GRID2: variants seen among roughly 807,000 people sequenced by gnomAD.
GRID2 encodes the protein glutamate ionotropic receptor delta type subunit 2.
Under a neutral mutation model 114.8 loss-of-function variants are expected in GRID2, and 33 were observed. The ratio of observed to expected loss-of-function variants is 0.29; its 90% CI spans 0.22 to 0.38. The LOEUF (loss-of-function observed/expected upper bound fraction) is 0.38. Among genes scored for constraint, GRID2 ranks in the 10% least tolerant of loss-of-function variants. GRID2 has a pLI of 1.00. For synonymous variants in GRID2, 505 were observed against 449.9 expected, an observed-to-expected ratio of 1.12 and a Z score of -1.55; for missense variants, 1,184 against 1,257.7, an observed-to-expected ratio of 0.94 and a Z score of 0.89.
intron 1 of GRID2, among the ~76,000 whole-genome samples, chr4:92,583,170 T>A (rs1178039356): frequency 6.6e-6 from 1 of 152,090 alleles, no homozygotes; most frequent in African/African-American, 2.4e-5. Context: ...TTACTTAACC[T>A]GAGTTTCATT....
chr4:93,367,856 T>G (rs1762487221), intron 8 of GRID2, among the ~76,000 whole-genome samples: 1 of 152,186 alleles, frequency 6.6e-6, no homozygotes, highest in Non-Finnish European at 1.5e-5. Context: ...TTGTGAGTGT[T>G]GGATTGAATT....
At chr4:92,341,338 T>G (rs558548521) in intron 1 of GRID2, among the ~76,000 whole-genome samples, 1 of 152,298 alleles carries the variant, frequency 6.6e-6, no homozygotes, top group African/African-American at 2.4e-5. Flanking sequence ...TGTGGATCAC[T>G]TGCTAGTTTA....
intron 1 of GRID2, among the ~76,000 whole-genome samples, chr4:92,400,678 C>T (rs986279469): frequency 2.0e-5 from 3 of 151,902 alleles, no homozygotes; most frequent in Non-Finnish European, 4.4e-5. Flanking sequence ...TTGATAAACC[C>T]CCAAATTGTT....
At chr4:92,877,754 T>C (rs1204540059) in intron 2 of GRID2, among the ~76,000 whole-genome samples, 2 of 152,208 alleles carry the variant, frequency 1.3e-5, no homozygotes, top group Non-Finnish European at 2.9e-5. Context: ...TCCATGTTGA[T>C]GGATTTATGC....
At position 93,110,879 on chromosome 4, in the gene GRID2, A is replaced by C. The variant is rs1476739450; in HGVS notation, c.661A>C (p.Asn221His). Residue 221 changes from asparagine (N) to histidine (H), a missense_variant, in exon 4 of 16, where the codon AAT becomes CAT. By Grantham distance (68) the Asn-to-His change is moderately conservative (BLOSUM62 1). Around this residue, in one of 3 missense-constraint regions of GRID2, gnomAD observed 455 missense variants for 429.5 expected, o/e 1.06. Transcript: ENST00000282020. ...LFDTMRIEEL[N>H]RYRDTLRRAI... ...TGACACCATGAGAATAGAAGAACTG[A>C]ATCGCTATCGAGACACTCTTAGGCG... is the stretch of plus-strand genomic sequence containing the variant. The C allele has an allele frequency of 4.3e-6, 7 of 1,612,988 alleles. No individual in the cohort carries two copies. The highest frequency in any genetic ancestry group is 5.9e-6 in the Non-Finnish European group (7 of 1,178,932).
intron 14 of GRID2, among the ~76,000 whole-genome samples, chr4:93,680,176 A>G (rs1725369269): frequency 2.0e-5 from 3 of 152,260 alleles, no homozygotes; most frequent in South Asian, 4.1e-4. Flanking sequence ...TAGAAAATCT[A>G]GAAGAAATGG....
At chr4:93,806,194 A>T (rs538357571) in intron 1 of GRID2, among the ~76,000 whole-genome samples, 2 of 152,338 alleles carry the variant, frequency 1.3e-5, no homozygotes, top group African/African-American at 4.8e-5. Context: ...ACATAGTACA[A>T]TTTATATATT....
In GRID2 at chr4:93,724,799, A is replaced by C. The variant is rs572720494; in HGVS notation, c.2361-44411A>C. ...GCTTATTTTTGTTGTTGTTGTTTTG[A>C]GACAAAGTCTCACTCTGTCGCCCAA... is the stretch of plus-strand genomic sequence containing the variant. On this transcript the variant is annotated intron_variant, in intron 14 of 15. Transcript: ENST00000282020. 4.6e-5 allele frequency among the ~76,000 whole-genome samples: 7 copies of C among 152,056 alleles called. No homozygotes were observed. The South Asian group carries it at 1.5e-3, about 32-fold the overall frequency.
intron 4 of GRID2, among the ~76,000 whole-genome samples, chr4:93,126,379 A>G (rs1186313073): frequency 6.6e-6 from 1 of 152,038 alleles, no homozygotes; most frequent in African/African-American, 2.4e-5. Flanking sequence ...GATAAACAAA[A>G]ATGTGTTTAC....
intron 1 of GRID2, among the ~76,000 whole-genome samples, chr4:92,538,968 G>A (rs1280616950): frequency 1.3e-5 from 2 of 151,714 alleles, no homozygotes; most frequent in Non-Finnish European, 2.9e-5. Context: ...CGTGAGCCTG[G>A]GAGGCGCAGC....
At chr4:92,615,519 T>C (rs1458847130) in intron 2 of GRID2, among the ~76,000 whole-genome samples, 1 of 151,720 alleles carries the variant, frequency 6.6e-6, no homozygotes, top group Non-Finnish European at 1.5e-5. Flanking sequence ...TGTTTTAAAG[T>C]GTTTCTCTTA....
intron 6 of GRID2, among the ~76,000 whole-genome samples, chr4:93,219,681 A>G (rs567210882): frequency 3.8e-4 from 58 of 152,318 alleles, no homozygotes; most frequent in African/African-American, 1.3e-3. Flanking sequence ...CAAAATAAAT[A>G]TTAAAGAACA....
chr4:93,040,917 G>T (rs2149268421), intron 2 of GRID2, among the ~76,000 whole-genome samples: 1 of 152,182 alleles, frequency 6.6e-6, no homozygotes, highest in South Asian at 2.1e-4. Flanking sequence ...TTCTGGTTAA[G>T]TTCATTAGGG....
At chr4:92,482,544 T>G (rs1303642405) in intron 1 of GRID2, among the ~76,000 whole-genome samples, 1 of 152,208 alleles carries the variant, frequency 6.6e-6, no homozygotes, top group Non-Finnish European at 1.5e-5. Flanking sequence ...AAGAATATAA[T>G]TTGACTCCAT....
intron 8 of GRID2, among the ~76,000 whole-genome samples, chr4:93,284,011 C>G (rs1461094238): frequency 6.6e-6 from 1 of 151,980 alleles, no homozygotes; most frequent in East Asian, 1.9e-4. Flanking sequence ...TTTCACTGTT[C>G]ATTACTTTTA....
intron 8 of GRID2, among the ~76,000 whole-genome samples, chr4:93,342,170 A>ACCAACACCTGTAAGTCCATGTAAGT (rs1759731692): frequency 2.6e-5 from 4 of 152,200 alleles, no homozygotes; most frequent in Non-Finnish European, 5.9e-5. Context: ...CCAACTCCTT[A>ACCAACACCTGTAAGTCCATGTAAGT]CCAACACCTG....
intron 10 of GRID2, among the ~76,000 whole-genome samples, chr4:93,442,326 A>G (rs1277898570): frequency 2.0e-5 from 3 of 152,042 alleles, no homozygotes; most frequent in Admixed American, 1.3e-4. Flanking sequence ...GGCCTCTTAG[A>G]AAATTGAAGA....
Position 93,088,408 on chromosome 4 carries a change from G to GC in GRID2, c.529+3129_529+3130insC, listed in dbSNP as rs1329647670. Among the ~76,000 whole-genome samples, 7 of 152,198 alleles carry GC rather than the reference G, an allele frequency of 4.6e-5. No individual in the cohort carries two copies. The East Asian group carries it at 1.4e-3, about 29-fold the overall frequency. Reference sequence around the variant, plus strand: ...GAGATAAAAAGTATTACAAAACATAGTCTTAGTCTTTAATAAGCTTACAGT... The same window carrying GC: ...GAGATAAAAAGTATTACAAAACATAGCTCTTAGTCTTTAATAAGCTTACAGT... On this transcript the variant is annotated intron_variant, in intron 3 of 15. Transcript: ENST00000282020.
chr4:93,617,026 G>A (rs550259680), intron 13 of GRID2, among the ~76,000 whole-genome samples: 1 of 151,834 alleles, frequency 6.6e-6, no homozygotes, highest in Admixed American at 6.6e-5. Context: ...TCAAGAAGAT[G>A]ATTTGAAGCT....
Sources: allele counts gnomAD v4.1 joint callset (sites outside exome capture counted in the v4.1 genomes callset), GRCh38; gene constraint gnomAD v4.1.1; regional missense constraint gnomAD v4.1.1; transcripts MANE v1.5; gene names NCBI Gene and HGNC (gene_info 2026-07-23, HGNC 2026-07-21).